The following LSAMP variants were observed in gnomAD, a reference collection of about 807,000 sequenced individuals.
LSAMP encodes limbic system associated membrane protein, also known as limbic system-associated membrane protein.
Under a neutral mutation model 38.6 loss-of-function variants are expected in LSAMP, and 7 were observed. That is an observed-to-expected ratio of 0.18 (90% CI 0.10 to 0.34). LSAMP has a LOEUF of 0.34. Ranked by LOEUF, LSAMP falls within the 10% of genes least tolerant of loss-of-function variation. LSAMP has a pLI of 1.00. For missense variants in LSAMP, 313 were observed against 420.0 expected (o/e 0.75, Z 2.23); for synonymous variants, 154 against 166.8 (o/e 0.92, Z 0.59).
At chr3:116,262,427 C>T (rs1406275657) in intron 1 of LSAMP, among the ~76,000 whole-genome samples, 1 of 152,182 alleles carries the variant, frequency 6.6e-6, no homozygotes, top group East Asian at 1.9e-4. Context: ...AATTTCTTCT[C>T]TGACTCCATA....
intron 3 of LSAMP, among the ~76,000 whole-genome samples, chr3:115,922,973 C>T (rs559718571): frequency 7.9e-5 from 12 of 152,194 alleles, no homozygotes; most frequent in Non-Finnish European, 1.5e-4. Context: ...TCTGCCAGCA[C>T]TGTGAGTGAG....
At chr3:116,369,529 T>G (rs2048402637) in intron 1 of LSAMP, among the ~76,000 whole-genome samples, 1 of 152,100 alleles carries the variant, frequency 6.6e-6, no homozygotes, top group Non-Finnish European at 1.5e-5. Flanking sequence ...CTAGCCACTC[T>G]AGAATGAATA....
At chr3:115,869,967 A>G (rs879745493) in intron 3 of LSAMP, among the ~76,000 whole-genome samples, 1 of 152,132 alleles carries the variant, frequency 6.6e-6, no homozygotes, top group East Asian at 1.9e-4. Flanking sequence ...CATGAGCCAA[A>G]TTTGATCTGA....
At chr3:115,846,248 A>G (rs1185313459) in intron 4 of LSAMP, among the ~76,000 whole-genome samples, 1 of 152,224 alleles carries the variant, frequency 6.6e-6, no homozygotes, top group Non-Finnish European at 1.5e-5. Flanking sequence ...ACTTTGGAAT[A>G]GCTTACAATT....
At chr3:116,349,428 A>C (rs2048107838) in intron 1 of LSAMP, among the ~76,000 whole-genome samples, 1 of 151,592 alleles carries the variant, frequency 6.6e-6, no homozygotes, top group African/African-American at 2.4e-5. Context: ...TTTACTTAGT[A>C]TCATCATACT....
intron 1 of LSAMP, among the ~76,000 whole-genome samples, chr3:116,152,919 C>T (rs1425587752): frequency 6.6e-6 from 1 of 151,984 alleles, no homozygotes; most frequent in East Asian, 1.9e-4. Flanking sequence ...AGAGCATAAA[C>T]AATGTCTTTA....
At chr3:116,275,103 A>T (rs961941325) in intron 1 of LSAMP, among the ~76,000 whole-genome samples, 1 of 152,146 alleles carries the variant, frequency 6.6e-6, no homozygotes, top group African/African-American at 2.4e-5. Flanking sequence ...CTAAGGCTGT[A>T]ATGCAGTGGC....
chr3:116,039,728 G>C (rs78413100), intron 2 of LSAMP, among the ~76,000 whole-genome samples: 1,857 of 152,306 alleles, frequency 0.012, 36 homozygotes, highest in African/African-American at 0.041. Flanking sequence ...ATTACAAAGA[G>C]AGGCCACAGG....
intron 1 of LSAMP, among the ~76,000 whole-genome samples, chr3:116,366,013 T>TAAAAAAAAAAAAA (rs67452614): frequency 2.1e-4 from 6 of 28,684 alleles, no homozygotes; most frequent in South Asian, 2.6e-3. Flanking sequence ...TAGAGTATAA[T>TAAAAAAAAAAAAA]AAAAAAAAAA....
At position 116,329,647 on chromosome 3, in the gene LSAMP, G is replaced by C. The variant is rs567255761; in HGVS notation, c.155+115230C>G. 7.9e-5 allele frequency among the ~76,000 whole-genome samples: 12 copies of C among 152,166 alleles called. No homozygotes were observed. The South Asian group carries it at 2.5e-3, about 32-fold the overall frequency. ...TCAAAAGTAATTATTCCAGTACCAA[G>C]TATTTACATATTATTCAAAAATTTC... On this transcript the variant is annotated intron_variant, in intron 1 of 6. Transcript: ENST00000490035.
At chr3:116,124,314 C>T (rs1488219334) in intron 1 of LSAMP, among the ~76,000 whole-genome samples, 2 of 152,182 alleles carry the variant, frequency 1.3e-5, no homozygotes, top group African/African-American at 2.4e-5. Context: ...TACATCACTG[C>T]TTCTCATTCA....
intron 5 of LSAMP, 40 bp downstream of exon 5, chr3:115,842,418 A>G (rs760757079): frequency 1.2e-6 from 2 of 1,607,980 alleles, no homozygotes; most frequent in South Asian, 2.2e-5. Flanking sequence ...CCCCAGGCCC[A>G]TGCAGTGGAG....
intron 1 of LSAMP, among the ~76,000 whole-genome samples, chr3:116,111,081 C>A (rs2107470624): frequency 6.6e-6 from 1 of 152,210 alleles, no homozygotes. Flanking sequence ...GGGGCAGGAA[C>A]AAATCACAAT....
At chr3:115,913,798 CT>C (rs1937185830) in intron 3 of LSAMP, among the ~76,000 whole-genome samples, 3 of 152,044 alleles carry the variant, frequency 2.0e-5, no homozygotes. Context: ...GGACCTATGT[CT>C]TTTTCATGCA....
intron 1 of LSAMP, among the ~76,000 whole-genome samples, chr3:116,114,495 G>C (rs910351701): frequency 1.4e-5 from 2 of 147,782 alleles, no homozygotes; most frequent in Middle Eastern, 3.4e-3. Context: ...ATGCATTCCA[G>C]AAATGCTTTT....
intron 1 of LSAMP, among the ~76,000 whole-genome samples, chr3:116,356,708 T>C (rs2048227397): frequency 6.6e-6 from 1 of 152,228 alleles, no homozygotes; most frequent in Non-Finnish European, 1.5e-5. Context: ...CCCATTAATA[T>C]ATACACCTAC....
At chr3:116,381,524 A>G (rs1030209695) in intron 1 of LSAMP, among the ~76,000 whole-genome samples, 4 of 152,108 alleles carry the variant, frequency 2.6e-5, no homozygotes, top group Non-Finnish European at 5.9e-5. Context: ...CAGTAATGCT[A>G]TCTTAAAATG....
At chr3:116,091,033 T>A (rs1455900233) in intron 1 of LSAMP, among the ~76,000 whole-genome samples, 2 of 152,174 alleles carry the variant, frequency 1.3e-5, no homozygotes, top group African/African-American at 4.8e-5. Flanking sequence ...CTGGGAGCGC[T>A]ATGGGAGACT....
intron 1 of LSAMP, among the ~76,000 whole-genome samples, chr3:116,335,686 C>T (rs1480241262): frequency 6.6e-6 from 1 of 152,048 alleles, no homozygotes; most frequent in African/African-American, 2.4e-5. Flanking sequence ...GTTTGTCACA[C>T]CTGAACTACC....
Sources: gnomAD v4.1 joint callset for allele counts (sites outside exome capture counted in the v4.1 genomes callset) on GRCh38, gnomAD v4.1.1 for gene constraint, MANE v1.5 for transcripts, NCBI Gene and HGNC (gene_info 2026-07-23, HGNC 2026-07-21) for gene names.